Variants in WNT5A observed in about 807,000 individuals in gnomAD.
WNT5A encodes the protein Wnt family member 5A, also known as protein Wnt-5a.
In WNT5A, 9 loss-of-function variants were observed where a neutral mutation model predicts 42.1. That is an observed-to-expected ratio of 0.21 (90% CI 0.13 to 0.37). The LOEUF is 0.37. Among genes scored for constraint, WNT5A ranks in the 10% least tolerant of loss-of-function variants. The pLI, the probability that WNT5A is intolerant of heterozygous loss-of-function variation, is 1.00. For synonymous variants in WNT5A, 210 were observed against 210.0 expected (o/e 1.00, Z 0.00); for missense variants, 426 against 534.0 (o/e 0.80, Z 1.99).
intron 3 of WNT5A, among the ~76,000 whole-genome samples, chr3:55,475,908 C>T (rs1488072410): frequency 6.6e-6 from 1 of 152,048 alleles, no homozygotes; most frequent in Non-Finnish European, 1.5e-5. Flanking sequence ...GGTTATCATC[C>T]AGCCAGCTGA....
chr3:55,502,139 T>C, the WNT5A span, among the ~76,000 whole-genome samples: 3 of 152,218 alleles, frequency 2.0e-5, no homozygotes, highest in African/African-American at 7.2e-5. Context: ...CTTGGAGAAA[T>C]TCTTCTCCCA....
chr3:55,491,639 A>T (rs2051660704), upstream of WNT5A, among the ~76,000 whole-genome samples: 1 of 152,224 alleles, frequency 6.6e-6, no homozygotes, highest in Non-Finnish European at 1.5e-5. Flanking sequence ...TATGCCCAGC[A>T]AATAATATTT....
intron 2 of WNT5A, among the ~76,000 whole-genome samples, chr3:55,480,237 C>T (rs887017351): frequency 6.6e-6 from 1 of 152,160 alleles, no homozygotes; most frequent in African/African-American, 2.4e-5. Context: ...ATCTACAAGG[C>T]CCCTACCCAG....
chr3:55,479,144 T>C (rs1326288522), intron 3 of WNT5A, 170 bp downstream of exon 3: 5 of 621,818 alleles, frequency 8.0e-6, no homozygotes, highest in Non-Finnish European at 1.3e-5. Context: ...TCATCAGGTG[T>C]AGGGACAGGA....
upstream of WNT5A, among the ~76,000 whole-genome samples, chr3:55,491,697 C>T (rs1361353335): frequency 6.6e-6 from 1 of 152,166 alleles, no homozygotes; most frequent in Non-Finnish European, 1.5e-5. Context: ...CTGTAGAAAG[C>T]GGTTTTCTCT....
intron 1 of WNT5A, among the ~76,000 whole-genome samples, chr3:55,485,764 G>A (rs2051566537): frequency 6.6e-6 from 1 of 152,170 alleles, no homozygotes; most frequent in African/African-American, 2.4e-5. Flanking sequence ...AGAGAAAAGA[G>A]AGGCGAGAGA....
rs1268830021 is a variant in WNT5A, at chr3:55,468,936, A to G, written c.*1156T>C. On this transcript the variant is annotated 3_prime_UTR_variant, in exon 5 of 5. Transcript: ENST00000264634. ...AGGAAACAAAAATCCCTAAGTAGTG[A>G]ACTGTTTTCCAAGCAGAGCTCCTAA... 6.6e-6 allele frequency: 1 copy of G among 152,226 alleles called. No individual in the cohort carries two copies. Among genetic ancestry groups the G allele is most frequent in the African/African-American group, 2.4e-5 (1 of 41,462 alleles). The allele number at this position is 152,226 out of a possible 1,614,324, so 9.4% of individuals were successfully genotyped here.
rs1367069890 is a variant in WNT5A at position 55,468,201 on chromosome 3, T to C, written c.*1891A>G. On this transcript the variant is annotated 3_prime_UTR_variant, in exon 5 of 5. Transcript: ENST00000264634. ...GAATATTCCTTAGGGACTCAATTAATAAGTACTGTCATTTCTAATAGGCAT... is the reference window on the plus strand; with the variant it reads ...GAATATTCCTTAGGGACTCAATTAACAAGTACTGTCATTTCTAATAGGCAT... 6.7e-6 allele frequency: 1 copy of C among 148,674 alleles called. No homozygotes were observed. The highest frequency in any genetic ancestry group is 1.5e-5 in the Non-Finnish European group (1 of 67,420). 9.2% of individuals were successfully genotyped at this position (148,674 alleles called of 1,614,324 possible).
chr3:55,478,334 C>T (rs1264280786), intron 3 of WNT5A, among the ~76,000 whole-genome samples: 2 of 151,930 alleles, frequency 1.3e-5, no homozygotes, highest in African/African-American at 4.8e-5. Flanking sequence ...TGCATTTTAT[C>T]CATCTGTGAT....
chr3:55,496,646 T>C, the WNT5A span, among the ~76,000 whole-genome samples: 1 of 152,196 alleles, frequency 6.6e-6, no homozygotes, highest in East Asian at 1.9e-4. Flanking sequence ...TCCTTAGTCA[T>C]GCAGCTATGT....
intron 3 of WNT5A, among the ~76,000 whole-genome samples, chr3:55,478,058 A>G (rs551775344): frequency 1.3e-5 from 2 of 152,340 alleles, no homozygotes; most frequent in East Asian, 3.9e-4. Context: ...GCCCACAGTC[A>G]GGGAAAACTC....
intron 1 of WNT5A, chr3:55,481,441 C>A (rs111996292): frequency 2.5e-6 from 1 of 398,392 alleles, no homozygotes; most frequent in Non-Finnish European, 3.2e-6. Flanking sequence ...GTGGCCAGCG[C>A]GGGGGGTGGA....
intron 3 of WNT5A, 27 bp downstream of exon 3, chr3:55,479,286 TA>T (rs1308161747): frequency 7.6e-6 from 11 of 1,455,726 alleles, no homozygotes; most frequent in African/African-American, 1.4e-5. Context: ...GTTAATGTTT[TA>T]AAAAAATATT....
Position 55,468,240 on chromosome 3 carries a change from G to T in WNT5A, c.*1852C>A, listed in dbSNP as rs1232874378. ...TCTAATAGGCATGGGTTTCCATTCT[G>T]CAGAATGAACTAAGAAAAGAGAAAC... On this transcript the variant is annotated 3_prime_UTR_variant, in exon 5 of 5. Transcript: ENST00000264634. The T allele has an allele frequency of 1.3e-5, 2 of 151,466 alleles. No homozygotes were observed. The highest frequency in any genetic ancestry group is 4.9e-5 in the African/African-American group (2 of 41,232). The allele number at this position is 151,466 out of a possible 1,614,324, so 9.4% of individuals were successfully genotyped here.
intron 1 of WNT5A, among the ~76,000 whole-genome samples, chr3:55,484,828 T>C (rs571224968): frequency 6.6e-6 from 1 of 151,842 alleles, no homozygotes; most frequent in South Asian, 2.1e-4. Flanking sequence ...AGGAAGAAAA[T>C]GAAATGATAG....
At chr3:55,500,491 A>G in the WNT5A span, among the ~76,000 whole-genome samples, 1 of 152,218 alleles carries the variant, frequency 6.6e-6, no homozygotes, top group Non-Finnish European at 1.5e-5. Flanking sequence ...TATTACACAT[A>G]TTATTAATGT....
chr3:55,476,668 C>T (rs1342704292), intron 3 of WNT5A, among the ~76,000 whole-genome samples: 1 of 152,170 alleles, frequency 6.6e-6, no homozygotes, highest in African/African-American at 2.4e-5. Flanking sequence ...AGAATACAAA[C>T]CTGGGAGATC....
At position 55,469,969 on chromosome 3, in the gene WNT5A, T is replaced by C. The variant is rs997069515; in HGVS notation, c.*123A>G. 12 of 1,104,310 alleles carry C rather than the reference T, an allele frequency of 1.1e-5. No individual in the cohort carries two copies. In the East Asian group the frequency reaches 2.8e-4, roughly 26 times the overall value. The allele number at this position is 1,104,310 out of a possible 1,614,324, so 68.4% of individuals were successfully genotyped here. Reference sequence around the variant, plus strand: ...TCTTAGATGGTAACAGGAAAAAAAATGGTTCCGGTTGCAATTCTTGGGGAA... The same window carrying C: ...TCTTAGATGGTAACAGGAAAAAAAACGGTTCCGGTTGCAATTCTTGGGGAA... On this transcript the variant is annotated 3_prime_UTR_variant, in exon 5 of 5. Transcript: ENST00000264634.
intron 3 of WNT5A, among the ~76,000 whole-genome samples, chr3:55,474,835 G>C (rs1367020175): frequency 2.1e-5 from 2 of 94,570 alleles, no homozygotes; most frequent in Non-Finnish European, 2.1e-5. Flanking sequence ...AGGTTGGGGG[G>C]AAGTAGGAGG....
Sources: allele counts gnomAD v4.1 joint callset (sites outside exome capture counted in the v4.1 genomes callset), GRCh38; gene constraint gnomAD v4.1.1; transcripts MANE v1.5; gene names NCBI Gene and HGNC (gene_info 2026-07-23, HGNC 2026-07-21).